BRIP1: variants seen among roughly 807,000 people sequenced by gnomAD.
The protein encoded by BRIP1 is BRCA1 interacting DNA helicase 1.
Under a neutral mutation model 119.7 loss-of-function variants are expected in BRIP1, and 88 were observed. The ratio of observed to expected loss-of-function variants is 0.74; its 90% CI spans 0.62 to 0.88. The LOEUF is 0.88. Ranked by LOEUF, BRIP1 falls within the 40% of genes least tolerant of loss-of-function variation. BRIP1 has a pLI of 0.00. For synonymous variants in BRIP1, 443 were observed against 496.5 expected, an observed-to-expected ratio of 0.89 and a Z score of 1.43; for missense variants, 1,259 against 1,455.4, an observed-to-expected ratio of 0.87 and a Z score of 2.20.
At position 61,713,964 on chromosome 17, in the gene BRIP1, A is replaced by AAC; in HGVS notation, c.2492+1986_2492+1987insGT. On this transcript the variant is annotated intron_variant, in intron 17 of 19. Coordinates refer to ENST00000259008, the MANE Select transcript of BRIP1 (RefSeq NM_032043.3). The surrounding 1 kb of genome is among the most constrained non-coding windows in gnomAD (Gnocchi z 4.9). The stretch of plus-strand genomic sequence containing the variant: ...TGTGTTTTAAGCTAAGTGTTGTAAA[A>AAC]GAGTCAAAAAGGTAAAAAAAAAGAT... Among the ~76,000 whole-genome samples, 1 of 152,150 alleles carries AAC rather than the reference A, an allele frequency of 6.6e-6. No homozygotes were observed. Among genetic ancestry groups the AAC allele is most frequent in the African/African-American group, 2.4e-5 (1 of 41,568 alleles).
At position 61,679,737 on chromosome 17, in the gene BRIP1, G is replaced by T. The variant is rs1172522839; in HGVS notation, c.*3559C>A. On this transcript the variant is annotated 3_prime_UTR_variant, in exon 20 of 20. Coordinates refer to ENST00000259008, the MANE Select transcript of BRIP1 (RefSeq NM_032043.3). This position sits in a 1 kb window ranked among gnomAD's most constrained non-coding sequence, Gnocchi z 4.4. ...ATTAATAATGAATAACTTGCAATGT[G>T]CCAGGTGCTCTTTTAAAAGCATTTA... Among the ~76,000 whole-genome samples, 2 of 152,090 alleles carry T rather than the reference G, an allele frequency of 1.3e-5. No homozygotes were observed. The highest frequency in any genetic ancestry group is 4.8e-5 in the African/African-American group (2 of 41,410).
At chr17:61,688,978 G>T (rs1286416915) in intron 18 of BRIP1, among the ~76,000 whole-genome samples, 2 of 145,024 alleles carry the variant, frequency 1.4e-5, no homozygotes, top group African/African-American at 5.2e-5. Context: ...GCAGAAGGAA[G>T]AATCAGGAAA....
Position 61,840,834 on chromosome 17 carries a change from T to C in BRIP1, c.627+6267A>G, listed in dbSNP as rs1357450406. Reference sequence around the variant, plus strand: ...CCACGCTATGTACTACACAAAGCTATAGTAACCAAAACAGAATGGTATTAG... The same window carrying C: ...CCACGCTATGTACTACACAAAGCTACAGTAACCAAAACAGAATGGTATTAG... On this transcript the variant is annotated intron_variant, in intron 6 of 19. Transcript: ENST00000259008. Among the ~76,000 whole-genome samples the C allele has an allele frequency of 1.3e-5, 2 of 152,108 alleles. 1 individual carries two copies. Among genetic ancestry groups the C allele is most frequent in the African/African-American group, 4.8e-5 (2 of 41,420 alleles).
At position 61,740,258 on chromosome 17, in the gene BRIP1, C is replaced by CA. The variant is rs1157375916; in HGVS notation, c.2379+2754dup. On this transcript the variant is annotated intron_variant, in intron 16 of 19. Transcript: ENST00000259008. The surrounding 1 kb of genome is among the most constrained non-coding windows in gnomAD (Gnocchi z 5.4). ...ACTGGAAAGAAGCGAGCCAGATGGA[C>CA]AAAAGACCCCAGGATTCCCCGGAGG... Among the ~76,000 whole-genome samples, 1 of 152,096 alleles carries CA rather than the reference C, an allele frequency of 6.6e-6. No homozygotes were observed. Among genetic ancestry groups the CA allele is most frequent in the Non-Finnish European group, 1.5e-5 (1 of 68,002 alleles).
In BRIP1 at chr17:61,713,198, T is replaced by C. The variant is rs2061806207; in HGVS notation, c.2492+2753A>G. On this transcript the variant is annotated intron_variant, in intron 17 of 19. Transcript: ENST00000259008. The surrounding 1 kb of genome is among the most constrained non-coding windows in gnomAD (Gnocchi z 4.9). Reference sequence around the variant, plus strand: ...GCTAGTCTTATAAAAGTATAGCACATACAATTATGTATGGTATATAATACT... The same window carrying C: ...GCTAGTCTTATAAAAGTATAGCACACACAATTATGTATGGTATATAATACT... Among the ~76,000 whole-genome samples the C allele has an allele frequency of 1.3e-5, 2 of 152,168 alleles. No individual in the cohort carries two copies. The highest frequency in any genetic ancestry group is 4.1e-4 in the South Asian group (2 of 4,830).
chr17:61,853,062 T>C lies in BRIP1; in HGVS notation c.380-3806A>G, dbSNP rs1364811936. On this transcript the variant is annotated intron_variant, in intron 4 of 19. Coordinates refer to ENST00000259008, the MANE Select transcript of BRIP1 (RefSeq NM_032043.3). The surrounding 1 kb of genome is among the most constrained non-coding windows in gnomAD (Gnocchi z 4.3). ...TCATAACAGCACTATTAAACAATAC[T>C]GAAAACAACCCAATGCCTAACAACT... Among the ~76,000 whole-genome samples, 1 of 152,120 alleles carries C rather than the reference T, an allele frequency of 6.6e-6. No individual in the cohort carries two copies. Among genetic ancestry groups the C allele is most frequent in the Non-Finnish European group, 1.5e-5 (1 of 68,018 alleles).
intron 8 of BRIP1, among the ~76,000 whole-genome samples, chr17:61,800,859 A>G (rs1263609971): frequency 6.6e-6 from 1 of 152,246 alleles, no homozygotes; most frequent in African/African-American, 2.4e-5. Flanking sequence ...AAAAAGAACC[A>G]GGCAAACAAA....
intron 10 of BRIP1, among the ~76,000 whole-genome samples, chr17:61,790,884 G>A (rs2077806399): frequency 6.6e-6 from 1 of 151,930 alleles, no homozygotes; most frequent in African/African-American, 2.4e-5. Flanking sequence ...GCCTCAGCCT[G>A]TCAAAGTGTA....
intron 14 of BRIP1, among the ~76,000 whole-genome samples, chr17:61,772,151 GTGA>G (rs2077457657): frequency 8.8e-6 from 1 of 113,420 alleles, no homozygotes; most frequent in East Asian, 2.7e-4. Flanking sequence ...ATAAGCAAAT[GTGA>G]GATTATATAT....
At position 61,745,846 on chromosome 17, in the gene BRIP1, A is replaced by T. The variant is rs1016796938; in HGVS notation, c.2098-1255T>A. On this transcript the variant is annotated intron_variant, in intron 14 of 19. Coordinates refer to ENST00000259008, the MANE Select transcript of BRIP1 (RefSeq NM_032043.3). This position sits in a 1 kb window ranked among gnomAD's most constrained non-coding sequence, Gnocchi z 4.4. Reference sequence around the variant, plus strand: ...AATATATTTATTTTTAAAATGTCAAAATAAAAGAATCAAGTATTCTTTCCA... The same window carrying T: ...AATATATTTATTTTTAAAATGTCAATATAAAAGAATCAAGTATTCTTTCCA... Among the ~76,000 whole-genome samples the T allele has an allele frequency of 3.6e-4, 55 of 152,240 alleles. No individual in the cohort carries two copies. The highest frequency in any genetic ancestry group is 1.3e-3 in the African/African-American group (55 of 41,472).
rs2061749627 is a variant in BRIP1 at position 61,710,168 on chromosome 17, A to G, written c.2492+5783T>C. On this transcript the variant is annotated intron_variant, in intron 17 of 19. Coordinates refer to ENST00000259008, the MANE Select transcript of BRIP1 (RefSeq NM_032043.3). The surrounding 1 kb of genome is among the most constrained non-coding windows in gnomAD (Gnocchi z 5.4). ...TGATAGCTGGGCTCTCCATTTAAAA[A>G]AATTAATAAAATTCTAAAAGTACAG... is the stretch of plus-strand genomic sequence containing the variant. 6.6e-6 allele frequency among the ~76,000 whole-genome samples: 1 copy of G among 152,172 alleles called. No homozygotes were observed. Among genetic ancestry groups the G allele is most frequent in the South Asian group, 2.1e-4 (1 of 4,830 alleles).
rs888730666 is a variant in BRIP1, at chr17:61,769,095, G to A, written c.2097+7306C>T. On this transcript the variant is annotated intron_variant, in intron 14 of 19. Transcript: ENST00000259008. The surrounding 1 kb of genome is among the most constrained non-coding windows in gnomAD (Gnocchi z 4.9). ...CTCACTCAGTCCTACGACTACAAGG[G>A]ATAAATTCTGCAAACAAACTGAGGG... 6.6e-6 allele frequency among the ~76,000 whole-genome samples: 1 copy of A among 152,064 alleles called. No homozygotes were observed. The highest frequency in any genetic ancestry group is 1.5e-5 in the Non-Finnish European group (1 of 68,034).
rs1011336956 is a variant in BRIP1, at chr17:61,743,868, G to T, written c.2257+564C>A. On this transcript the variant is annotated intron_variant, in intron 15 of 19. Transcript: ENST00000259008. This position sits in a 1 kb window ranked among gnomAD's most constrained non-coding sequence, Gnocchi z 4.3. ...CACCCTGCTAATGTTTGTACTTTTT[G>T]TAGAGACAGGATTTCACCATGTTGC... Among the ~76,000 whole-genome samples the T allele has an allele frequency of 1.3e-5, 2 of 151,880 alleles. No individual in the cohort carries two copies. Among genetic ancestry groups the T allele is most frequent in the Non-Finnish European group, 2.9e-5 (2 of 67,968 alleles).
intron 16 of BRIP1, among the ~76,000 whole-genome samples, chr17:61,718,818 C>A (rs1028172105): frequency 6.6e-6 from 1 of 152,102 alleles, no homozygotes; most frequent in Non-Finnish European, 1.5e-5. Context: ...CCCTCAGATA[C>A]CAAAATCCAT....
chr17:61,831,903 A>G lies in BRIP1; in HGVS notation c.627+15198T>C, dbSNP rs941911722. 2.0e-5 allele frequency among the ~76,000 whole-genome samples: 3 copies of G among 152,182 alleles called. No homozygotes were observed. Among genetic ancestry groups the G allele is most frequent in the Admixed American group, 1.3e-4 (2 of 15,268 alleles). On this transcript the variant is annotated intron_variant, in intron 6 of 19. Coordinates refer to ENST00000259008, the MANE Select transcript of BRIP1 (RefSeq NM_032043.3). This position sits in a 1 kb window ranked among gnomAD's most constrained non-coding sequence, Gnocchi z 4.1. ...TGGATGTATTGGTATAAACACTCAT[A>G]ATTTTCAGTGTACAGACAGACAGAT...
intron 16 of BRIP1, among the ~76,000 whole-genome samples, chr17:61,727,118 C>A (rs1287286303): frequency 6.6e-6 from 1 of 152,180 alleles, no homozygotes; most frequent in South Asian, 2.1e-4. Flanking sequence ...CAGAGACCTA[C>A]TTCTACCTTA....
intron 14 of BRIP1, among the ~76,000 whole-genome samples, chr17:61,747,328 C>T (rs1464769842): frequency 2.0e-5 from 3 of 150,250 alleles, no homozygotes. Context: ...AAGATTAGAG[C>T]AGAAATAAAA....
In BRIP1 at chr17:61,752,516, TAATACA is replaced by T. The variant is rs1351837708; in HGVS notation, c.2098-7931_2098-7926del. Reference sequence around the variant, plus strand: ...ATATTTCAACTTAGATATTTTTGTCTAATACAAATACAAATCATTTCTGTTCAGGAG... The same window carrying T: ...ATATTTCAACTTAGATATTTTTGTCTAATACAAATCATTTCTGTTCAGGAG... On this transcript the variant is annotated intron_variant, in intron 14 of 19. Transcript: ENST00000259008. The surrounding 1 kb of genome is among the most constrained non-coding windows in gnomAD (Gnocchi z 6.2). Among the ~76,000 whole-genome samples, 1 of 152,248 alleles carries T rather than the reference TAATACA, an allele frequency of 6.6e-6. No individual in the cohort carries two copies. The highest frequency in any genetic ancestry group is 2.4e-5 in the African/African-American group (1 of 41,468).
At chr17:61,850,428 C>G (rs1000007980) in intron 4 of BRIP1, among the ~76,000 whole-genome samples, 5 of 151,960 alleles carry the variant, frequency 3.3e-5, no homozygotes, top group African/African-American at 1.2e-4. Flanking sequence ...CTGAGTCTAA[C>G]CCATGGCCAG....
Sources: gnomAD v4.1 joint callset for allele counts (sites outside exome capture counted in the v4.1 genomes callset) on GRCh38, gnomAD v4.1.1 for gene constraint, Gnocchi (gnomAD v3.1) non-coding constraint, MANE v1.5 for transcripts, NCBI Gene and HGNC (gene_info 2026-07-23, HGNC 2026-07-21) for gene names.